DAB1: variants seen among roughly 807,000 people sequenced by gnomAD.
DAB1 encodes DAB adaptor protein 1, also known as disabled homolog 1.
Under a neutral mutation model 64.6 loss-of-function variants are expected in DAB1, and 15 were observed. The ratio of observed to expected loss-of-function variants is 0.23; its 90% CI spans 0.16 to 0.36. The LOEUF (loss-of-function observed/expected upper bound fraction) is 0.36. DAB1 is among the 10% of genes least tolerant of loss of function. The pLI, the probability that DAB1 is intolerant of heterozygous loss-of-function variation, is 1.00. For missense variants in DAB1, 596 were observed against 706.7 expected, an observed-to-expected ratio of 0.84 and a Z score of 1.78; for synonymous variants, 235 against 251.9, an observed-to-expected ratio of 0.93 and a Z score of 0.64.
At chr1:57,619,663 C>T (rs917410876) in intron 7 of DAB1, among the ~76,000 whole-genome samples, 10 of 152,094 alleles carry the variant, frequency 6.6e-5, no homozygotes, top group Middle Eastern at 3.2e-3. Flanking sequence ...TGGCCTCCCA[C>T]GGTGCTATGA....
intron 12 of DAB1, among the ~76,000 whole-genome samples, chr1:57,013,938 T>C (rs1390578230): frequency 6.6e-6 from 1 of 152,184 alleles, no homozygotes; most frequent in African/African-American, 2.4e-5. Context: ...AATTCACTTA[T>C]TTTACCAATG....
At chr1:57,045,862 A>T (rs1648417968) in intron 9 of DAB1, among the ~76,000 whole-genome samples, 1 of 152,196 alleles carries the variant, frequency 6.6e-6, no homozygotes, top group Non-Finnish European at 1.5e-5. Flanking sequence ...CTTCTATGAT[A>T]GGCAGGAAGA....
At chr1:57,791,789 A>G (rs535212978) in intron 6 of DAB1, among the ~76,000 whole-genome samples, 1 of 152,142 alleles carries the variant, frequency 6.6e-6, no homozygotes, top group Non-Finnish European at 1.5e-5. Flanking sequence ...AGATGCTGAG[A>G]TGTTATGCAA....
intron 3 of DAB1, among the ~76,000 whole-genome samples, chr1:58,348,724 C>G (rs1644023858): frequency 6.6e-6 from 1 of 152,054 alleles, no homozygotes; most frequent in African/African-American, 2.4e-5. Context: ...TTTACTTCAC[C>G]CTACAATGAG....
intron 1 of DAB1, among the ~76,000 whole-genome samples, chr1:57,318,155 C>CAAAAAAAAAAAAAAA (rs3042914): frequency 2.9e-5 from 3 of 103,420 alleles, no homozygotes. Flanking sequence ...AGCTGCAACT[C>CAAAAAAAAAAAAAAA]AAAAAAAAAA....
chr1:57,774,317 C>A (rs1052869462), intron 6 of DAB1, among the ~76,000 whole-genome samples: 1 of 151,824 alleles, frequency 6.6e-6, no homozygotes, highest in African/African-American at 2.4e-5. Flanking sequence ...ATCCTGCAAT[C>A]TGGCTAAATT....
chr1:57,112,074 T>G (rs1557741392), intron 4 of DAB1, among the ~76,000 whole-genome samples: 1 of 152,220 alleles, frequency 6.6e-6, no homozygotes, highest in South Asian at 2.1e-4. Context: ...GTCCGTGATG[T>G]CCTTATGACA....
chr1:57,237,014 G>A (rs1668135656), intron 2 of DAB1, among the ~76,000 whole-genome samples: 1 of 152,168 alleles, frequency 6.6e-6, no homozygotes, highest in African/African-American at 2.4e-5. Context: ...TAGTAGTAGT[G>A]CTACTACTGC....
At chr1:57,006,649 T>C (rs1263482181) in intron 14 of DAB1, among the ~76,000 whole-genome samples, 2 of 152,170 alleles carry the variant, frequency 1.3e-5, no homozygotes, top group Non-Finnish European at 2.9e-5. Context: ...TGGGACACTG[T>C]GCCCTCCAAA....
chr1:57,474,224 G>A (rs1032216795), intron 7 of DAB1, among the ~76,000 whole-genome samples: 5 of 152,184 alleles, frequency 3.3e-5, no homozygotes, highest in Non-Finnish European at 7.3e-5. Context: ...GAAGCAGATA[G>A]TAAGGCTATT....
intron 6 of DAB1, among the ~76,000 whole-genome samples, chr1:57,701,666 A>G (rs1646909618): frequency 6.6e-6 from 1 of 152,094 alleles, no homozygotes; most frequent in Admixed American, 6.6e-5. Context: ...CATGTTGTGC[A>G]TATGTACCCT....
chr1:57,256,466 C>G (rs538767916), intron 2 of DAB1, among the ~76,000 whole-genome samples: 1 of 152,234 alleles, frequency 6.6e-6, no homozygotes, highest in Admixed American at 6.5e-5. Flanking sequence ...GGCTCCACCT[C>G]TCTGGTCTTC....
intron 5 of DAB1, among the ~76,000 whole-genome samples, chr1:58,125,791 C>G (rs532861152): frequency 6.6e-6 from 1 of 152,250 alleles, no homozygotes; most frequent in East Asian, 1.9e-4. Context: ...TTCTCTTCTG[C>G]TGATCACTAT....
At chr1:57,575,339 C>T (rs1207573569) in intron 7 of DAB1, among the ~76,000 whole-genome samples, 1 of 152,136 alleles carries the variant, frequency 6.6e-6, no homozygotes, top group African/African-American at 2.4e-5. Context: ...TATTTAGTTG[C>T]CAAAATGCTT....
At chr1:57,170,464 G>C (rs1013265445) in intron 2 of DAB1, among the ~76,000 whole-genome samples, 1 of 152,182 alleles carries the variant, frequency 6.6e-6, no homozygotes, top group Non-Finnish European at 1.5e-5. Flanking sequence ...AGGGTGACAG[G>C]TAGGCACACA....
At chr1:57,132,222 T>C (rs569910353) in intron 4 of DAB1, among the ~76,000 whole-genome samples, 4 of 152,206 alleles carry the variant, frequency 2.6e-5, no homozygotes, top group Middle Eastern at 3.4e-3. Context: ...TGGTGCCCAG[T>C]AATACTTACT....
chr1:58,226,088 T>A (rs571482366), intron 4 of DAB1, among the ~76,000 whole-genome samples: 33 of 152,046 alleles, frequency 2.2e-4, no homozygotes, highest in East Asian at 1.4e-3. Flanking sequence ...CCTGAACCAC[T>A]CTGGGATACC....
In DAB1 at chr1:57,415,391, GA is replaced by G. The variant is rs200867835; in HGVS notation, c.-137+8538del. On this transcript the variant is annotated intron_variant, in intron 1 of 14. Transcript: ENST00000371236. ...GAATATCTTCATGACATCAGAGTGG[GA>G]AAAAAAAGGCTTTCTGAAACAAGAC... Among the ~76,000 whole-genome samples, 42 of 150,964 alleles carry G rather than the reference GA, an allele frequency of 2.8e-4. No homozygotes were observed. The East Asian group carries it at 6.0e-3, about 22-fold the overall frequency.
chr1:57,657,750 G>C (rs748715382), intron 6 of DAB1, among the ~76,000 whole-genome samples: 2 of 152,164 alleles, frequency 1.3e-5, no homozygotes, highest in Non-Finnish European at 2.9e-5. Flanking sequence ...TAGTAAGTAA[G>C]AAAATTTAAT....
Sources: gnomAD v4.1 joint callset for allele counts (sites outside exome capture counted in the v4.1 genomes callset) on GRCh38, gnomAD v4.1.1 for gene constraint, MANE v1.5 for transcripts, NCBI Gene and HGNC (gene_info 2026-07-23, HGNC 2026-07-21) for gene names.